The following ATP10A variants were observed in gnomAD, a reference collection of about 807,000 sequenced individuals.
ATP10A encodes ATPase phospholipid transporting 10A (putative).
Under a neutral mutation model 147.8 loss-of-function variants are expected in ATP10A, and 111 were observed. The ratio of observed to expected loss-of-function variants is 0.75; its 90% CI spans 0.64 to 0.88. The LOEUF is 0.88. ATP10A is among the 40% of genes least tolerant of loss of function. The pLI is 0.00. For synonymous variants in ATP10A, 875 were observed against 841.6 expected (o/e 1.04, Z -0.69); for missense variants, 1,927 against 1,959.0 (o/e 0.98, Z 0.31).
intron 1 of ATP10A, among the ~76,000 whole-genome samples, chr15:25,791,510 TGGAGTAGCTG>T (rs1890424921): frequency 6.6e-6 from 1 of 152,112 alleles, no homozygotes; most frequent in South Asian, 2.1e-4. Context: ...CCTTGGCCTC[TGGAGTAGCTG>T]GGAGTAGCTA....
intron 1 of ATP10A, among the ~76,000 whole-genome samples, chr15:25,783,709 C>T (rs188258371): frequency 6.6e-6 from 1 of 152,244 alleles, no homozygotes. Context: ...AAGCTATCAC[C>T]GCTAGAGAGC....
At chr15:25,694,426 G>A (rs1442212610) in intron 14 of ATP10A, among the ~76,000 whole-genome samples, 2 of 152,224 alleles carry the variant, frequency 1.3e-5, no homozygotes, top group African/African-American at 4.8e-5. Flanking sequence ...GGAGGCTCAT[G>A]GTGACCAGAA....
chr15:25,734,703 T>C lies in ATP10A; in HGVS notation c.740+1353A>G, dbSNP rs925440852. On this transcript the variant is annotated intron_variant, in intron 3 of 20. Transcript: ENST00000555815. ...GTTGTTGAGTTTTACCCTGCTTTAA[T>C]TGGCTTATTTAAGGGGTGATTTAAT... Among the ~76,000 whole-genome samples the C allele has an allele frequency of 8.5e-5, 13 of 152,268 alleles. No individual in the cohort carries two copies. The South Asian group carries it at 1.0e-3, about 12-fold the overall frequency.
intron 2 of ATP10A, among the ~76,000 whole-genome samples, chr15:25,743,737 G>T (rs1433579311): frequency 6.6e-6 from 1 of 152,216 alleles, no homozygotes; most frequent in African/African-American, 2.4e-5. Flanking sequence ...CTACAGTCAA[G>T]GAGTTGGCAG....
rs772383675 is a variant in ATP10A, at chr15:25,708,167, G to T, written c.2448+30C>A. ...CTCACTGTGGGGCGGCCACCTGCAC[G>T]TGCACCCTCGCGGAGACACCCCCAC... On this transcript the variant is annotated intron_variant, in intron 11 of 20. Coordinates refer to ENST00000555815, the MANE Select transcript of ATP10A (RefSeq NM_024490.4). 7 of 1,613,920 alleles carry T rather than the reference G, an allele frequency of 4.3e-6. No homozygotes were observed. In the South Asian group the frequency reaches 6.6e-5, roughly 15 times the overall value.
chr15:25,809,701 C>T lies in ATP10A; in HGVS notation c.450-28478G>A, dbSNP rs544124025. 4.2e-4 allele frequency among the ~76,000 whole-genome samples: 43 copies of T among 102,530 alleles called. 1 individual carries two copies. The highest frequency in any genetic ancestry group is 9.1e-3 in the Middle Eastern group (2 of 220). The allele number at this position is 102,530 out of a possible 152,430, so 67.3% of individuals were successfully genotyped here. A position where few individuals can be genotyped will look rare whatever the true frequency, so the allele number is the denominator to read the frequency against. On this transcript the variant is annotated intron_variant, in intron 1 of 20. Coordinates refer to ENST00000555815, the MANE Select transcript of ATP10A (RefSeq NM_024490.4). ...TGAGAACAGTGCTGTTCCCCACAGA[C>T]GGGCTGGGAAGGCAGGAAGACAACC...
chr15:25,736,222 C>T, intron 2 of ATP10A, 81 bp from the exon 3 acceptor site: 1 of 1,087,556 alleles, frequency 9.2e-7, no homozygotes, highest in African/African-American at 1.5e-5. Context: ...TTCTGTCTCG[C>T]ATCCGCGGCA....
intron 19 of ATP10A, 37 bp downstream of exon 19, chr15:25,680,773 T>C (rs1484511091): frequency 6.4e-7 from 1 of 1,565,262 alleles, no homozygotes; most frequent in South Asian, 1.1e-5. Flanking sequence ...ACGGCATCAG[T>C]GCTCTTCTGA....
intron 13 of ATP10A, among the ~76,000 whole-genome samples, chr15:25,699,894 A>G (rs1900568049): frequency 6.6e-6 from 1 of 152,126 alleles, no homozygotes; most frequent in African/African-American, 2.4e-5. Flanking sequence ...TAAAATAAAA[A>G]TTTAACAAGA....
chr15:25,802,674 T>A (rs957701825), intron 1 of ATP10A, among the ~76,000 whole-genome samples: 5 of 152,166 alleles, frequency 3.3e-5, no homozygotes, highest in Non-Finnish European at 7.3e-5. Flanking sequence ...CCGGCCGCCT[T>A]CTCTGTCTTG....
At chr15:25,740,889 G>T (rs1047171153) in intron 2 of ATP10A, among the ~76,000 whole-genome samples, 1 of 152,178 alleles carries the variant, frequency 6.6e-6, no homozygotes, top group Admixed American at 6.5e-5. Flanking sequence ...TGACCTCCTC[G>T]GCTACCATCC....
intron 13 of ATP10A, among the ~76,000 whole-genome samples, chr15:25,700,937 A>T (rs1425034801): frequency 6.6e-6 from 1 of 152,054 alleles, no homozygotes; most frequent in Non-Finnish European, 1.5e-5. Flanking sequence ...CTTAAAAAAA[A>T]AAAAGGCCCT....
Position 25,781,009 on chromosome 15 carries a change from G to A in ATP10A, c.654+10C>T, listed in dbSNP as rs199887256. The A allele has an allele frequency of 2.8e-5, 45 of 1,612,886 alleles. No individual in the cohort carries two copies. Among genetic ancestry groups the A allele is most frequent in the Non-Finnish European group, 3.8e-5 (45 of 1,179,786 alleles). On this transcript the variant is annotated intron_variant, in intron 2 of 20. Transcript: ENST00000555815. ...ATGCCTGCAAGGCCCTGGAAACGTG[G>A]GTCACTTACAAGCTCCGAGAAGCCG...
At chr15:25,855,850 G>T (rs1489345723) in intron 1 of ATP10A, among the ~76,000 whole-genome samples, 1 of 152,136 alleles carries the variant, frequency 6.6e-6, no homozygotes, top group African/African-American at 2.4e-5. Context: ...CAGCCAGGTG[G>T]CAGGACACAA....
chr15:25,807,925 C>T (rs12591964), intron 1 of ATP10A, among the ~76,000 whole-genome samples: 24,470 of 151,208 alleles, frequency 0.16, 2,062 homozygotes, highest in Middle Eastern at 0.23. Flanking sequence ...GTCAATTGAA[C>T]GATTTCTTTG....
intron 1 of ATP10A, among the ~76,000 whole-genome samples, chr15:25,797,097 A>G (rs1890706576): frequency 6.6e-6 from 1 of 152,120 alleles, no homozygotes; most frequent in Non-Finnish European, 1.5e-5. Flanking sequence ...TCTAAGGGAA[A>G]CTTTGTATCC....
intron 12 of ATP10A, 74 bp downstream of exon 12, chr15:25,707,902 G>T: frequency 1.3e-6 from 2 of 1,572,324 alleles, no homozygotes; most frequent in Admixed American, 3.4e-5. Flanking sequence ...CCGCTGACAA[G>T]AGCACTCACC....
intron 13 of ATP10A, among the ~76,000 whole-genome samples, chr15:25,698,391 T>G (rs1900469119): frequency 6.6e-6 from 1 of 152,358 alleles, no homozygotes; most frequent in Admixed American, 6.5e-5. Flanking sequence ...ACTTAATGAA[T>G]AGTAAATATA....
chr15:25,823,930 C>G (rs529971198), intron 1 of ATP10A, among the ~76,000 whole-genome samples: 1 of 152,290 alleles, frequency 6.6e-6, no homozygotes, highest in East Asian at 1.9e-4. Context: ...AGGTCATGTG[C>G]GTTCTTTTGC....
Sources: allele counts gnomAD v4.1 joint callset (sites outside exome capture counted in the v4.1 genomes callset), GRCh38; gene constraint gnomAD v4.1.1; transcripts MANE v1.5; gene names NCBI Gene and HGNC (gene_info 2026-07-23, HGNC 2026-07-21).